The following PTK2 variants were observed in gnomAD, a reference collection of about 807,000 sequenced individuals.
The protein encoded by PTK2 is protein tyrosine kinase 2.
A neutral mutation model predicts 150.1 loss-of-function variants in PTK2; 45 were observed. The ratio of observed to expected loss-of-function variants is 0.30; its 90% CI spans 0.24 to 0.38. PTK2 has a LOEUF of 0.38. Ranked by LOEUF, PTK2 falls within the 10% of genes least tolerant of loss-of-function variation. The probability of loss-of-function intolerance (pLI) is 1.00; values close to 1 mark genes in which losing one functional copy is unlikely to be tolerated. For synonymous variants in PTK2, 432 were observed against 449.2 expected, an observed-to-expected ratio of 0.96 and a Z score of 0.48; for missense variants, 919 against 1,307.3, an observed-to-expected ratio of 0.70 and a Z score of 4.58.
intron 31 of PTK2, 23 bp downstream of exon 35, chr8:140,664,894 G>T: frequency 6.2e-7 from 1 of 1,608,284 alleles, no homozygotes; most frequent in Non-Finnish European, 8.5e-7. Context: ...ACAGAGGGCT[G>T]CAAGGGGAAG....
At chr8:140,671,639 T>C (rs1353544456) in intron 29 of PTK2, among the ~76,000 whole-genome samples, 4 of 150,792 alleles carry the variant, frequency 2.7e-5, no homozygotes, top group East Asian at 3.9e-4. Flanking sequence ...TTAGGTCGGG[T>C]GCGGTGGCTC....
chr8:140,808,073 A>T (rs1403956565), intron 10 of PTK2, among the ~76,000 whole-genome samples: 2 of 152,216 alleles, frequency 1.3e-5, no homozygotes, highest in African/African-American at 4.8e-5. Context: ...GCAATAAATG[A>T]CACGAAAACA....
At chr8:140,902,621 G>C (rs1471965199) in intron 2 of PTK2, among the ~76,000 whole-genome samples, 2 of 152,176 alleles carry the variant, frequency 1.3e-5, no homozygotes, top group African/African-American at 4.8e-5. Flanking sequence ...TCCAGCTTCT[G>C]TTGTTTCCTG....
intron 31 of PTK2, 132 bp from the exon 36 acceptor site, chr8:140,659,810 C>T: frequency 1.3e-6 from 1 of 771,338 alleles, no homozygotes. Flanking sequence ...CTGCCTCAGC[C>T]TTCCCACTAG....
intron 29 of PTK2, chr8:140,669,340 T>TATATATACAC (rs1377363515): frequency 1.5e-5 from 2 of 132,844 alleles, no homozygotes; most frequent in African/African-American, 6.0e-5. Context: ...TATATATATA[T>TATATATACAC]ACACTTTTTA....
chr8:140,950,765 G>T (rs1395578368), intron 1 of PTK2, among the ~76,000 whole-genome samples: 2 of 152,084 alleles, frequency 1.3e-5, no homozygotes, highest in Admixed American at 6.5e-5. Context: ...ATTTTCAACT[G>T]CAAAGGGGAT....
chr8:140,820,791 G>A (rs1356471689), intron 8 of PTK2: 2 of 152,330 alleles, frequency 1.3e-5, no homozygotes, highest in Non-Finnish European at 2.9e-5. Flanking sequence ...TAAGGGCCCA[G>A]TGGAGTTCAA....
chr8:140,759,391 G>A (rs1253714883), intron 16 of PTK2, among the ~76,000 whole-genome samples: 1 of 151,770 alleles, frequency 6.6e-6, no homozygotes, highest in African/African-American at 2.4e-5. Flanking sequence ...ATAATTAGCT[G>A]GGAATGATGG....
At chr8:140,939,076 G>C (rs958305599) in intron 1 of PTK2, among the ~76,000 whole-genome samples, 5 of 151,986 alleles carry the variant, frequency 3.3e-5, no homozygotes, top group African/African-American at 4.8e-5. Flanking sequence ...AGTAGGGTTG[G>C]GGAAGAAAAG....
intron 1 of PTK2, among the ~76,000 whole-genome samples, chr8:140,990,202 A>C (rs549884147): frequency 6.6e-6 from 1 of 151,814 alleles, no homozygotes; most frequent in Admixed American, 6.6e-5. Flanking sequence ...ATAACTGACT[A>C]TAAGTTATAA....
exon 32 of PTK2, chr8:140,658,210 C>T (rs1225701553): frequency 1.3e-5 from 2 of 155,256 alleles, no homozygotes; most frequent in East Asian, 3.4e-4. Flanking sequence ...AAAAGGTTAA[C>T]TTACGCCACG....
chr8:140,918,956 TAAC>T (rs2100166365), intron 2 of PTK2, among the ~76,000 whole-genome samples: 1 of 152,176 alleles, frequency 6.6e-6, no homozygotes, highest in South Asian at 2.1e-4. Flanking sequence ...TTAACCAGCA[TAAC>T]AACAAGGTTT....
chr8:140,940,003 C>A (rs1183125649), intron 1 of PTK2, among the ~76,000 whole-genome samples: 1 of 152,154 alleles, frequency 6.6e-6, no homozygotes, highest in African/African-American at 2.4e-5. Context: ...CGGGGCCTGG[C>A]CCACGGAAGG....
At chr8:140,783,473 C>T (rs1272889704) in intron 14 of PTK2, among the ~76,000 whole-genome samples, 2 of 152,144 alleles carry the variant, frequency 1.3e-5, no homozygotes, top group Non-Finnish European at 2.9e-5. Flanking sequence ...CTCTAAGACA[C>T]ATGCATATGT....
At chr8:140,904,188 T>A (rs1283683666) in intron 2 of PTK2, among the ~76,000 whole-genome samples, 1 of 152,182 alleles carries the variant, frequency 6.6e-6, no homozygotes, top group African/African-American at 2.4e-5. Context: ...AATACGTACT[T>A]TATTGAGAGT....
intron 2 of PTK2, among the ~76,000 whole-genome samples, chr8:140,893,957 C>T (rs1418910537): frequency 6.6e-6 from 1 of 152,110 alleles, no homozygotes; most frequent in Non-Finnish European, 1.5e-5. Context: ...TTGACAATAA[C>T]AAAACTACAT....
At chr8:140,700,191 C>T (rs890008313) in intron 26 of PTK2, among the ~76,000 whole-genome samples, 18 of 152,078 alleles carry the variant, frequency 1.2e-4, no homozygotes, top group Non-Finnish European at 2.1e-4. Context: ...ACACACATGG[C>T]CCTTAAGGGT....
At chr8:140,950,521 C>T (rs2100179224) in intron 1 of PTK2, among the ~76,000 whole-genome samples, 1 of 152,282 alleles carries the variant, frequency 6.6e-6, no homozygotes, top group South Asian at 2.1e-4. Flanking sequence ...CACACCCACA[C>T]ACCCCTCACA....
At chr8:140,682,634 TA>T (rs398068343) in intron 27 of PTK2, among the ~76,000 whole-genome samples, 5,022 of 125,516 alleles carry the variant, frequency 0.04, 113 homozygotes, top group Non-Finnish European at 0.05. Flanking sequence ...TATAGCTAAT[TA>T]AAAAAAAAAA....
Sources: allele counts gnomAD v4.1 joint callset (sites outside exome capture counted in the v4.1 genomes callset), GRCh38; gene constraint gnomAD v4.1.1; transcripts MANE v1.5; gene names NCBI Gene and HGNC (gene_info 2026-07-23, HGNC 2026-07-21).